Variants in FHIT observed in about 807,000 individuals in gnomAD.
The protein encoded by FHIT is bis(5'-adenosyl)-triphosphatase.
A neutral mutation model predicts 17.9 loss-of-function variants in FHIT; 19 were observed. The ratio of observed to expected loss-of-function variants is 1.06; its 90% confidence interval spans 0.74 to 1.56. The LOEUF (loss-of-function observed/expected upper bound fraction) is 1.56, where lower values mean the gene tolerates loss of function less well. Ranked by LOEUF, FHIT falls within the 40% of genes most tolerant of loss-of-function variation. FHIT has a pLI of 0.00. For synonymous variants in FHIT, 81 were observed against 69.7 expected, an observed-to-expected ratio of 1.16 and a Z score of -0.81; for missense variants, 248 against 189.2, an observed-to-expected ratio of 1.31 and a Z score of -1.82.
At chr3:60,172,364 T>C (rs905818411) in intron 5 of FHIT, among the ~76,000 whole-genome samples, 4 of 152,058 alleles carry the variant, frequency 2.6e-5, no homozygotes, top group Non-Finnish European at 4.4e-5. Context: ...CTCCCAGGTT[T>C]GAGTGATTCT....
At chr3:60,825,238 A>G (rs990198436) in intron 3 of FHIT, among the ~76,000 whole-genome samples, 1 of 152,310 alleles carries the variant, frequency 6.6e-6, no homozygotes, top group Admixed American at 6.5e-5. Flanking sequence ...ACATAAGGGG[A>G]CATATATTAA....
intron 8 of FHIT, among the ~76,000 whole-genome samples, chr3:59,862,190 A>T (rs1702436135): frequency 6.6e-6 from 1 of 152,250 alleles, no homozygotes; most frequent in Non-Finnish European, 1.5e-5. Flanking sequence ...CCTCACAATC[A>T]TGGTGAAAGG....
intron 2 of FHIT, among the ~76,000 whole-genome samples, chr3:61,062,395 C>A (rs879929025): frequency 1.3e-5 from 2 of 152,118 alleles, no homozygotes; most frequent in Non-Finnish European, 2.9e-5. Context: ...TCAAAATATC[C>A]TTTTGCCCCT....
intron 2 of FHIT, among the ~76,000 whole-genome samples, chr3:61,115,839 G>A (rs889265363): frequency 4.6e-5 from 7 of 152,108 alleles, no homozygotes; most frequent in South Asian, 4.1e-4. Context: ...AAGGTGACAC[G>A]CTGTTCATAT....
At chr3:60,705,350 G>A (rs1363925146) in intron 4 of FHIT, among the ~76,000 whole-genome samples, 1 of 152,144 alleles carries the variant, frequency 6.6e-6, no homozygotes, top group African/African-American at 2.4e-5. Context: ...AGGGAAATAA[G>A]AACCTTCACC....
At chr3:60,767,731 C>T (rs1699903966) in intron 4 of FHIT, among the ~76,000 whole-genome samples, 1 of 152,172 alleles carries the variant, frequency 6.6e-6, no homozygotes, top group Non-Finnish European at 1.5e-5. Flanking sequence ...AGATTAGAAT[C>T]AAAGAAAGGC....
intron 8 of FHIT, among the ~76,000 whole-genome samples, chr3:59,848,210 T>C (rs549501575): frequency 3.9e-5 from 6 of 152,282 alleles, no homozygotes; most frequent in Admixed American, 6.5e-5. Flanking sequence ...GTTATTACTG[T>C]GCTAAGAACT....
intron 5 of FHIT, among the ~76,000 whole-genome samples, chr3:60,310,996 A>T (rs1708918304): frequency 1.3e-5 from 2 of 152,266 alleles, no homozygotes; most frequent in South Asian, 4.1e-4. Flanking sequence ...TTTCCACCCC[A>T]GTACAGTTAC....
At chr3:60,089,026 C>A (rs986015) in intron 5 of FHIT, among the ~76,000 whole-genome samples, 15,995 of 152,202 alleles carry the variant, frequency 0.11, 1,049 homozygotes, top group Middle Eastern at 0.27. Context: ...CTGGGGCTTA[C>A]AGAAATGGAG....
intron 5 of FHIT, among the ~76,000 whole-genome samples, chr3:60,519,599 A>G (rs948399154): frequency 3.9e-5 from 6 of 152,110 alleles, no homozygotes; most frequent in African/African-American, 1.4e-4. Flanking sequence ...TATTAATATT[A>G]AGAAAACCAT....
At chr3:60,595,915 A>G (rs1236682581) in intron 4 of FHIT, among the ~76,000 whole-genome samples, 6 of 151,992 alleles carry the variant, frequency 3.9e-5, no homozygotes, top group Admixed American at 3.9e-4. Context: ...GTGAGCCACC[A>G]TGCCTGGTCC....
chr3:59,997,871 C>T (rs1002480421), intron 7 of FHIT, among the ~76,000 whole-genome samples: 1 of 152,134 alleles, frequency 6.6e-6, no homozygotes, highest in African/African-American at 2.4e-5. Flanking sequence ...ATAAGCCCTT[C>T]TGCTGTGGCT....
intron 2 of FHIT, among the ~76,000 whole-genome samples, chr3:61,068,489 A>G (rs1258717232): frequency 6.6e-6 from 1 of 152,130 alleles, no homozygotes; most frequent in Non-Finnish European, 1.5e-5. Context: ...TTGCAGCCTG[A>G]AAAGGTTCTC....
At chr3:60,713,057 G>T (rs1194013621) in intron 4 of FHIT, among the ~76,000 whole-genome samples, 2 of 152,072 alleles carry the variant, frequency 1.3e-5, no homozygotes, top group Non-Finnish European at 1.5e-5. Context: ...CGTAAAAGAA[G>T]AGAAATTATA....
intron 5 of FHIT, among the ~76,000 whole-genome samples, chr3:60,029,879 TTGTGTGTGTGTGTGTGTC>T (rs1230022937): frequency 7.6e-6 from 1 of 131,402 alleles, no homozygotes; most frequent in African/African-American, 2.8e-5. Context: ...CATAGAAGCA[TTGTGTGTGTGTGTGTGTC>T]TGTGTGTGTG....
Position 60,860,639 on chromosome 3 carries a change from A to ACATATATATCAGGTATATATG in FHIT, c.-110-38629_-110-38628insCATATATACCTGATATATATG, listed in dbSNP as rs1559779855. 6.2e-4 allele frequency among the ~76,000 whole-genome samples: 17 copies of ACATATATATCAGGTATATATG among 27,442 alleles called. 2 individuals are homozygous for ACATATATATCAGGTATATATG. Among genetic ancestry groups the ACATATATATCAGGTATATATG allele is most frequent in the African/African-American group, 1.3e-3 (17 of 13,554 alleles). The allele number at this position is 27,442 out of a possible 152,430, so 18.0% of individuals were successfully genotyped here. On this transcript the variant is annotated intron_variant, in intron 3 of 9. Coordinates refer to ENST00000492590, the MANE Select transcript of FHIT (RefSeq NM_002012.4). ...TGTACATATATATCAGGTATATATG[A>ACATATATATCAGGTATATATG]TACATATGTACATATATCAGGTATA...
chr3:61,187,183 T>A (rs1331206198), intron 2 of FHIT, among the ~76,000 whole-genome samples: 1 of 152,158 alleles, frequency 6.6e-6, no homozygotes, highest in Non-Finnish European at 1.5e-5. Flanking sequence ...ATTGAGCACT[T>A]GAAATCTGCA....
chr3:60,116,045 T>A (rs890272951), intron 5 of FHIT, among the ~76,000 whole-genome samples: 4 of 152,254 alleles, frequency 2.6e-5, no homozygotes, highest in Non-Finnish European at 5.9e-5. Flanking sequence ...TTAGAAAACA[T>A]CCAATGATGT....
Position 61,236,174 on chromosome 3 carries a change from AATAAT to A in FHIT, c.-213+15122_-213+15126del, listed in dbSNP as rs554231952. ...CTATATGTATTATAACATATACTAT[AATAAT>A]ATATTTTTGTTATAATATATAGTAT... On this transcript the variant is annotated intron_variant, in intron 1 of 9. Coordinates refer to ENST00000492590, the MANE Select transcript of FHIT (RefSeq NM_002012.4). Among the ~76,000 whole-genome samples the A allele has an allele frequency of 5.8e-3, 861 of 148,206 alleles. 4 individuals carry two copies. Among genetic ancestry groups the A allele is most frequent in the African/African-American group, 0.02 (819 of 40,866 alleles).
Sources: allele counts gnomAD v4.1 joint callset (sites outside exome capture counted in the v4.1 genomes callset), GRCh38; gene constraint gnomAD v4.1.1; transcripts MANE v1.5; gene names NCBI Gene and HGNC (gene_info 2026-07-23, HGNC 2026-07-21).